Variants in EYS observed in about 807,000 individuals in gnomAD.
EYS encodes the protein EGF-like photoreceptor maintenance factor.
EYS carries 250 observed loss-of-function variants against 282.1 expected under a neutral mutation model. The ratio of observed to expected loss-of-function variants is 0.89; its 90% CI spans 0.80 to 0.98. The LOEUF (loss-of-function observed/expected upper bound fraction) is 0.98, where lower values mean the gene tolerates loss of function less well. EYS is among the 50% of genes least tolerant of loss of function. EYS has a pLI of 0.00. For synonymous variants in EYS, 1,355 were observed against 1,282.9 expected (o/e 1.06, Z -1.20); for missense variants, 4,016 against 3,709.0 (o/e 1.08, Z -2.15).
chr6:64,467,878 T>C (rs972471354), intron 26 of EYS, among the ~76,000 whole-genome samples: 2 of 152,054 alleles, frequency 1.3e-5, no homozygotes, highest in Non-Finnish European at 2.9e-5. Context: ...CATATGCCAC[T>C]CAAGGGGTTT....
At chr6:65,363,949 T>C (rs891232408) in intron 8 of EYS, among the ~76,000 whole-genome samples, 1 of 151,562 alleles carries the variant, frequency 6.6e-6, no homozygotes, top group Admixed American at 6.6e-5. Flanking sequence ...TCTATTTTAA[T>C]TTAATTATCT....
intron 2 of EYS, among the ~76,000 whole-genome samples, chr6:65,595,472 A>T (rs892387500): frequency 1.2e-4 from 18 of 151,654 alleles, no homozygotes; most frequent in African/African-American, 4.4e-4. Context: ...GTATAATTAA[A>T]AAAAAAAAAA....
chr6:64,388,938 A>C, intron 28 of EYS, 98 bp from the exon 29 acceptor site: 2 of 815,108 alleles, frequency 2.5e-6, no homozygotes, highest in South Asian at 6.8e-5. Flanking sequence ...ATTTAAGTAA[A>C]TAGATTATTT....
intron 24 of EYS, among the ~76,000 whole-genome samples, 153 bp downstream of exon 24, chr6:64,617,265 A>G (rs1767303344): frequency 6.6e-6 from 1 of 152,116 alleles, no homozygotes; most frequent in African/African-American, 2.4e-5. Flanking sequence ...GGGAAAGAGG[A>G]ATGCCGAGAA....
chr6:63,841,471 C>A (rs1422686213), intron 36 of EYS, among the ~76,000 whole-genome samples: 2 of 152,074 alleles, frequency 1.3e-5, no homozygotes, highest in Non-Finnish European at 2.9e-5. Flanking sequence ...TAATAGCTAA[C>A]TTTTGTGAAC....
intron 26 of EYS, among the ~76,000 whole-genome samples, chr6:64,458,697 A>T (rs1775642360): frequency 1.3e-5 from 2 of 152,004 alleles, no homozygotes; most frequent in African/African-American, 4.8e-5. Context: ...GGATATTTGC[A>T]TATTTCTCCA....
intron 35 of EYS, among the ~76,000 whole-genome samples, chr6:63,897,835 C>A (rs1407812628): frequency 6.6e-6 from 1 of 152,078 alleles, no homozygotes; most frequent in Non-Finnish European, 1.5e-5. Context: ...GGTCTATACA[C>A]CAGGGTATGG....
Position 63,865,462 on chromosome 6 carries a change from T to TC in EYS, c.7056-1105dup, listed in dbSNP as rs1003283910. 2.4e-5 allele frequency among the ~76,000 whole-genome samples: 3 copies of TC among 127,594 alleles called. No individual in the cohort carries two copies. In the Admixed American group the frequency reaches 2.4e-4, roughly 10 times the overall value. 83.7% of individuals were successfully genotyped at this position (127,594 alleles called of 152,430 possible). ...AGTTAAAGAATTCCATTTAATCTTT[T>TC]CTTTTTTTTTTTGCTCTCTTATTAC... On this transcript the variant is annotated intron_variant, in intron 35 of 42. Transcript: ENST00000503581.
At chr6:65,592,396 T>C (rs563027477) in intron 2 of EYS, among the ~76,000 whole-genome samples, 1 of 152,124 alleles carries the variant, frequency 6.6e-6, no homozygotes, top group East Asian at 1.9e-4. Flanking sequence ...TGGTAACTTT[T>C]ATGAAACAGA....
rs556205456 is a variant in EYS, at chr6:64,250,338, C to G, written c.6192-19514G>C. ...CCTGCTCAGTTGGGTCATAAAATCA[C>G]AACCCTCAATACCATTTTTCACCTG... On this transcript the variant is annotated intron_variant, in intron 30 of 42. Transcript: ENST00000503581. 6.6e-5 allele frequency among the ~76,000 whole-genome samples: 10 copies of G among 152,258 alleles called. No individual in the cohort carries two copies. In the South Asian group the frequency reaches 2.1e-3, roughly 32 times the overall value.
intron 37 of EYS, among the ~76,000 whole-genome samples, chr6:63,804,176 C>T (rs1174197405): frequency 6.6e-6 from 1 of 152,118 alleles, no homozygotes; most frequent in East Asian, 1.9e-4. Flanking sequence ...ACCACCATGC[C>T]TGGCTAATTT....
At chr6:65,513,004 G>C (rs1002127398) in intron 2 of EYS, among the ~76,000 whole-genome samples, 2 of 151,234 alleles carry the variant, frequency 1.3e-5, no homozygotes, top group Non-Finnish European at 2.9e-5. Context: ...TCCACAAGCT[G>C]GTTTTTTGAA....
chr6:64,505,092 T>C (rs1777169406), intron 26 of EYS, among the ~76,000 whole-genome samples: 2 of 152,202 alleles, frequency 1.3e-5, no homozygotes, highest in South Asian at 4.1e-4. Flanking sequence ...TTGAGTCGAA[T>C]GCTTAGTTAT....
intron 35 of EYS, among the ~76,000 whole-genome samples, chr6:63,944,521 T>G (rs1186991176): frequency 6.6e-6 from 1 of 152,244 alleles, no homozygotes. Flanking sequence ...ATATACACTG[T>G]GAAATGACTA....
At chr6:64,441,203 T>A (rs952902011) in intron 26 of EYS, among the ~76,000 whole-genome samples, 4 of 152,222 alleles carry the variant, frequency 2.6e-5, no homozygotes, top group Admixed American at 2.6e-4. Context: ...AAGGGAAAAA[T>A]TAATCATATT....
intron 5 of EYS, among the ~76,000 whole-genome samples, chr6:65,484,822 T>C (rs1329361953): frequency 2.6e-5 from 4 of 152,214 alleles, no homozygotes; most frequent in African/African-American, 9.6e-5. Context: ...CAGTGGTCAG[T>C]AAACTATAGC....
At chr6:64,498,429 ATCT>A (rs1234735392) in intron 26 of EYS, among the ~76,000 whole-genome samples, 3 of 151,830 alleles carry the variant, frequency 2.0e-5, no homozygotes, top group Admixed American at 6.6e-5. Flanking sequence ...AACAAGTCAC[ATCT>A]TCTCTACCTC....
intron 28 of EYS, among the ~76,000 whole-genome samples, chr6:64,406,748 A>C (rs912281375): frequency 1.3e-5 from 2 of 152,266 alleles, no homozygotes; most frequent in Non-Finnish European, 2.9e-5. Flanking sequence ...TCAAATCTGC[A>C]ATGAGATACC....
At chr6:64,048,082 T>A (rs531402553) in intron 33 of EYS, among the ~76,000 whole-genome samples, 6 of 152,178 alleles carry the variant, frequency 3.9e-5, no homozygotes, top group Admixed American at 6.6e-5. Flanking sequence ...ATTTTTGTAT[T>A]TTTGGTAGAA....
Sources: gnomAD v4.1 joint callset for allele counts (sites outside exome capture counted in the v4.1 genomes callset) on GRCh38, gnomAD v4.1.1 for gene constraint, MANE v1.5 for transcripts, NCBI Gene and HGNC (gene_info 2026-07-23, HGNC 2026-07-21) for gene names.